FAM114A1: variants seen among roughly 807,000 people sequenced by gnomAD.
The protein encoded by FAM114A1 is protein NOXP20.
FAM114A1 carries 62 observed loss-of-function variants against 64.3 expected under a neutral mutation model. That is an observed-to-expected ratio of 0.96 (90% CI 0.79 to 1.19). The LOEUF is 1.19. FAM114A1 is among the 50% of genes most tolerant of loss of function. The pLI is 0.00. For missense variants in FAM114A1, 645 were observed against 676.3 expected, an observed-to-expected ratio of 0.95 and a Z score of 0.51; for synonymous variants, 254 against 251.1, an observed-to-expected ratio of 1.01 and a Z score of -0.11.
At chr4:38,931,861 A>T (rs948956052) in intron 11 of FAM114A1, among the ~76,000 whole-genome samples, 2 of 152,200 alleles carry the variant, frequency 1.3e-5, no homozygotes, top group Non-Finnish European at 2.9e-5. Context: ...AGGCTGAGGT[A>T]TGAGAATTGC....
Position 38,878,236 on chromosome 4 carries a change from A to T in FAM114A1, c.158A>T (p.His53Leu), listed in dbSNP as rs562112735. 1 of 1,614,248 alleles carries T rather than the reference A, an allele frequency of 6.2e-7. No homozygotes were observed. The highest frequency in any genetic ancestry group is 2.2e-5 in the East Asian group (1 of 44,890). ...PTPADPRGEG[H>L]ENAAVQGAGA... Reference sequence around the variant, plus strand: ...CCAGCTGACCCCAGAGGGGAGGGGCATGAAAATGCAGCTGTGCAGGGTGCA... The same window carrying T: ...CCAGCTGACCCCAGAGGGGAGGGGCTTGAAAATGCAGCTGTGCAGGGTGCA... The change falls in exon 3 of 15, where the codon CAT becomes CTT. Residue 53 changes from histidine to leucine, a missense_variant. By Grantham distance (99) the His-to-Leu change is moderately conservative (BLOSUM62 -3). Coordinates refer to ENST00000358869, the MANE Select transcript of FAM114A1 (RefSeq NM_138389.4).
intron 7 of FAM114A1, among the ~76,000 whole-genome samples, chr4:38,913,852 C>T (rs1718789315): frequency 6.6e-6 from 1 of 150,394 alleles, no homozygotes; most frequent in South Asian, 2.1e-4. Context: ...GATCCCAGCG[C>T]TTTTGGAGGC....
chr4:38,917,459 A>C (rs1267179491), intron 8 of FAM114A1, among the ~76,000 whole-genome samples: 1 of 152,210 alleles, frequency 6.6e-6, no homozygotes, highest in Non-Finnish European at 1.5e-5. Flanking sequence ...AATAAAATCT[A>C]CCTCACAGAA....
chr4:38,936,070 T>C (rs1462119522), intron 13 of FAM114A1, among the ~76,000 whole-genome samples: 3 of 151,794 alleles, frequency 2.0e-5, no homozygotes, highest in Non-Finnish European at 4.4e-5. Context: ...TGTTTGTTTG[T>C]TTGTTTGATT....
chr4:38,888,301 T>G (rs949173136), intron 3 of FAM114A1, among the ~76,000 whole-genome samples: 3 of 151,986 alleles, frequency 2.0e-5, no homozygotes, highest in African/African-American at 7.3e-5. Context: ...AAGGATCACT[T>G]GAGGCCATGA....
At chr4:38,912,164 C>A (rs574433559) in intron 7 of FAM114A1, among the ~76,000 whole-genome samples, 1 of 151,588 alleles carries the variant, frequency 6.6e-6, no homozygotes, top group South Asian at 2.1e-4. Flanking sequence ...CCCAGCCAAG[C>A]GCAGGGAATA....
chr4:38,870,580 C>T (rs1191918971), intron 2 of FAM114A1, among the ~76,000 whole-genome samples: 1 of 152,200 alleles, frequency 6.6e-6, no homozygotes, highest in Non-Finnish European at 1.5e-5. Context: ...ACAAAGGCTT[C>T]TTTATATGCC....
chr4:38,898,910 A>T (rs150471599), intron 4 of FAM114A1, among the ~76,000 whole-genome samples: 2,631 of 148,428 alleles, frequency 0.018, 89 homozygotes, highest in African/African-American at 0.06. Context: ...TATATATATG[A>T]GTAATATATA....
chr4:38,912,126 G>T (rs1196733708), intron 7 of FAM114A1, among the ~76,000 whole-genome samples: 1 of 151,930 alleles, frequency 6.6e-6, no homozygotes, highest in African/African-American at 2.4e-5. Flanking sequence ...CTTGAAAAGT[G>T]CTGAGAGTAC....
At chr4:38,882,712 G>A (rs1185954504) in intron 3 of FAM114A1, among the ~76,000 whole-genome samples, 1 of 151,870 alleles carries the variant, frequency 6.6e-6, no homozygotes, top group Non-Finnish European at 1.5e-5. Context: ...GTACTTCTAA[G>A]GCACATTAGA....
chr4:38,931,579 C>G lies in FAM114A1; in HGVS notation c.1290C>G (p.Asp430Glu), dbSNP rs370882686. ...KEEKSQDPQEDKKEEKKTKTI... is the reference protein window; with the variant it reads ...KEEKSQDPQEEKKEEKKTKTI... Reference sequence around the variant, plus strand: ...AGAAATCTCAAGACCCTCAAGAAGACAAAAAGGAGGAAAAGAAAACTAAGA... The same window carrying G: ...AGAAATCTCAAGACCCTCAAGAAGAGAAAAAGGAGGAAAAGAAAACTAAGA... The change falls in exon 11 of 15, where the codon GAC becomes GAG. Residue 430 changes from aspartate to glutamate, a missense_variant. By Grantham distance (45) the Asp-to-Glu change is conservative. Transcript: ENST00000358869. 1.2e-5 allele frequency: 20 copies of G among 1,611,912 alleles called. No homozygotes were observed. Among genetic ancestry groups the G allele is most frequent in the Non-Finnish European group, 1.5e-5 (18 of 1,179,380 alleles).
At chr4:38,932,420 T>G (rs926941366) in intron 12 of FAM114A1, 46 bp downstream of exon 12, 2 of 1,534,362 alleles carry the variant, frequency 1.3e-6, no homozygotes, top group African/African-American at 2.8e-5. Flanking sequence ...GTTTTATATA[T>G]AGGTACCATT....
chr4:38,940,230 T>C (rs958485588), intron 13 of FAM114A1, among the ~76,000 whole-genome samples: 1 of 152,198 alleles, frequency 6.6e-6, no homozygotes, highest in African/African-American at 2.4e-5. Flanking sequence ...TACCAGGCAC[T>C]GTACTCTCTG....
rs73150484 is a variant in FAM114A1 at position 38,931,493 on chromosome 4, G to A, written c.1204G>A (p.Val402Met). 318 of 1,614,046 alleles carry A rather than the reference G, an allele frequency of 2.0e-4. No individual in the cohort carries two copies. In the African/African-American group the frequency reaches 3.2e-3, roughly 16 times the overall value. ...AHDWVEEDQT[V>M]VSVDVAKVSE... ...TGACTGGGTGGAAGAGGATCAAACC[G>A]TGGTGTCAGTAGATGTGGCAAAAGT... Residue 402 changes from valine (V) to methionine (M), a missense_variant, in exon 11 of 15, where the codon GTG (valine) becomes ATG (methionine). Val to Met is a conservative substitution (Grantham distance 21). Coordinates refer to ENST00000358869, the MANE Select transcript of FAM114A1 (RefSeq NM_138389.4).
At chr4:38,896,059 A>T (rs1420785225) in intron 4 of FAM114A1, among the ~76,000 whole-genome samples, 1 of 152,160 alleles carries the variant, frequency 6.6e-6, no homozygotes, top group Non-Finnish European at 1.5e-5. Flanking sequence ...GGTTCTGGCT[A>T]CATGCTGGAA....
chr4:38,936,842 G>A (rs892839785), intron 13 of FAM114A1, among the ~76,000 whole-genome samples: 8 of 152,288 alleles, frequency 5.3e-5, no homozygotes, highest in East Asian at 1.9e-4. Context: ...GAGCCACCGC[G>A]CCTGGCAGAG....
intron 4 of FAM114A1, among the ~76,000 whole-genome samples, chr4:38,897,582 A>C (rs1717056804): frequency 6.6e-6 from 1 of 152,218 alleles, no homozygotes; most frequent in Non-Finnish European, 1.5e-5. Flanking sequence ...CATTCTTAGA[A>C]GATTTGATCA....
rs190469440 is a variant in FAM114A1, at chr4:38,944,651, C to G, written c.*1094C>G. ...TTGCATTACTGCCTGAGCTCTGCCT[C>G]CCGTCAGGTCAGCAGCAGCATTAGA... is the stretch of plus-strand genomic sequence containing the variant. On this transcript the variant is annotated 3_prime_UTR_variant, in exon 15 of 15. Transcript: ENST00000358869. 6.6e-6 allele frequency: 1 copy of G among 152,186 alleles called. No homozygotes were observed. Among genetic ancestry groups the G allele is most frequent in the African/African-American group, 2.4e-5 (1 of 41,406 alleles). 9.4% of individuals were successfully genotyped at this position (152,186 alleles called of 1,614,324 possible).
chr4:38,868,143 C>T (rs767364899), intron 1 of FAM114A1: 1 of 237,402 alleles, frequency 4.2e-6, no homozygotes, highest in Non-Finnish European at 9.1e-6. Context: ...CCCCCTCGGC[C>T]TGCGTGAACC....
Sources: gnomAD v4.1 joint callset for allele counts (sites outside exome capture counted in the v4.1 genomes callset) on GRCh38, gnomAD v4.1.1 for gene constraint, MANE v1.5 for transcripts, NCBI Gene and HGNC (gene_info 2026-07-23, HGNC 2026-07-21) for gene names.